The following ST18 variants were observed in gnomAD, a reference collection of about 807,000 sequenced individuals.
ST18 encodes the protein suppression of tumorigenicity 18 protein.
A neutral mutation model predicts 110.0 loss-of-function variants in ST18; 50 were observed. That is an observed-to-expected ratio of 0.45 (90% CI 0.36 to 0.58). The LOEUF (loss-of-function observed/expected upper bound fraction) is 0.58. Ranked by LOEUF, ST18 falls within the 20% of genes least tolerant of loss-of-function variation. The pLI is 0.00. For missense variants in ST18, 1,306 were observed against 1,280.1 expected (o/e 1.02, Z -0.31); for synonymous variants, 461 against 452.4 (o/e 1.02, Z -0.24).
At chr8:52,386,471 TAA>T (rs541880234) in intron 2 of ST18, among the ~76,000 whole-genome samples, 1 of 143,534 alleles carries the variant, frequency 7.0e-6, no homozygotes. Context: ...TTTTTTTTCT[TAA>T]AAAAAAAAAA....
intron 2 of ST18, among the ~76,000 whole-genome samples, chr8:52,263,416 C>T (rs1310255214): frequency 6.6e-6 from 1 of 152,158 alleles, no homozygotes; most frequent in Middle Eastern, 3.2e-3. Flanking sequence ...CTGAATTTCA[C>T]AGAACATCTC....
chr8:52,186,824 C>A (rs773803902), intron 8 of ST18, among the ~76,000 whole-genome samples: 8 of 152,132 alleles, frequency 5.3e-5, no homozygotes, highest in Non-Finnish European at 1.2e-4. Flanking sequence ...ATGTCCAAAA[C>A]CAGCACAATT....
rs927067041 is a variant in ST18, at chr8:52,180,218, G to A, written c.181C>T (p.Pro61Ser). The A allele has an allele frequency of 6.2e-7, 1 of 1,614,154 alleles. No homozygotes were observed. Among genetic ancestry groups the A allele is most frequent in the Non-Finnish European group, 8.5e-7 (1 of 1,180,024 alleles). Residue 61 changes from proline (P) to serine (S), a missense_variant, in exon 9 of 26, where the codon CCC (proline) becomes TCC (serine). Physicochemically the swap from Pro to Ser is moderately conservative, Grantham distance 74. Transcript: ENST00000689386. Reference sequence around the variant, plus strand: ...TCTGCTTTTGGGCTGTAGTGTCGGGGCTTCATTAGCAGGGATTTCCTTTTG... The same window carrying A: ...TCTGCTTTTGGGCTGTAGTGTCGGGACTTCATTAGCAGGGATTTCCTTTTG... ...VNKRKSLLMK[P>S]RHYSPKADCQ...
intron 19 of ST18, among the ~76,000 whole-genome samples, chr8:52,133,709 A>G (rs1428539782): frequency 1.4e-5 from 2 of 145,302 alleles, no homozygotes; most frequent in East Asian, 2.0e-4. Flanking sequence ...AAAGTTTTCC[A>G]AATTATTATT....
chr8:52,111,215 A>G lies in ST18; in HGVS notation c.*1983T>C, dbSNP rs1369857320. ...TGGTAAGAGATTTCTTTTAAATTAA[A>G]TAAAATATATAACAAACTTGTTAAA... On this transcript the variant is annotated 3_prime_UTR_variant, in exon 26 of 26. Coordinates refer to ENST00000689386, the MANE Select transcript of ST18 (RefSeq NM_001352837.2). 3 of 366,108 alleles carry G rather than the reference A, an allele frequency of 8.2e-6. No homozygotes were observed. In the South Asian group the frequency reaches 4.5e-4, roughly 55 times the overall value. The allele number at this position is 366,108 out of a possible 1,614,324, so 22.7% of individuals were successfully genotyped here.
intron 8 of ST18, among the ~76,000 whole-genome samples, chr8:52,190,926 C>A (rs573041680): frequency 6.6e-6 from 1 of 152,316 alleles, no homozygotes; most frequent in African/African-American, 2.4e-5. Context: ...TGGTCTGGGG[C>A]ATTCTGGCAT....
intron 2 of ST18, among the ~76,000 whole-genome samples, chr8:52,315,505 G>A (rs2096008246): frequency 6.6e-6 from 1 of 152,050 alleles, no homozygotes; most frequent in African/African-American, 2.4e-5. Flanking sequence ...TAACCTGTTG[G>A]CTTGTTGTTT....
chr8:52,350,382 T>C (rs1035874069), intron 2 of ST18, among the ~76,000 whole-genome samples: 1 of 152,042 alleles, frequency 6.6e-6, no homozygotes, highest in Non-Finnish European at 1.5e-5. Flanking sequence ...TCTGGTGATC[T>C]CCTGTGTACA....
intron 2 of ST18, among the ~76,000 whole-genome samples, chr8:52,274,438 G>A (rs913361340): frequency 6.8e-6 from 1 of 146,624 alleles, no homozygotes; most frequent in Non-Finnish European, 1.5e-5. Context: ...ACTTAGCTTT[G>A]AGCAATCAGT....
rs567734053 is a variant in ST18, at chr8:52,242,808, G to A, written c.-464-12731C>T. Among the ~76,000 whole-genome samples, 19 of 151,574 alleles carry A rather than the reference G, an allele frequency of 1.3e-4. 1 individual carries two copies. In the South Asian group the frequency reaches 3.6e-3, roughly 28 times the overall value. ...ATTCACTTGAACCCTGGAGGCAGAC[G>A]TTGCAGTGAGCCAAGATCATGCCAT... On this transcript the variant is annotated intron_variant, in intron 2 of 25. Transcript: ENST00000689386.
chr8:52,145,993 A>C (rs1409780792), intron 16 of ST18, among the ~76,000 whole-genome samples: 2 of 152,196 alleles, frequency 1.3e-5, no homozygotes, highest in Non-Finnish European at 2.9e-5. Context: ...TTTTCTGAAA[A>C]TTACCACCAA....
intron 23 of ST18, among the ~76,000 whole-genome samples, chr8:52,119,374 A>T (rs1437591822): frequency 6.6e-6 from 1 of 152,152 alleles, no homozygotes; most frequent in Non-Finnish European, 1.5e-5. Flanking sequence ...ACCTCCTAGA[A>T]GAATGAATCT....
intron 12 of ST18, among the ~76,000 whole-genome samples, chr8:52,164,562 A>G (rs1587463613): frequency 6.6e-6 from 1 of 152,244 alleles, no homozygotes; most frequent in East Asian, 1.9e-4. Context: ...TCATCGCCAC[A>G]TAATCGACTT....
At chr8:52,227,793 A>G (rs2089989320) in intron 3 of ST18, among the ~76,000 whole-genome samples, 1 of 152,076 alleles carries the variant, frequency 6.6e-6, no homozygotes, top group African/African-American at 2.4e-5. Flanking sequence ...TAGCGTTTTG[A>G]TGGCACTCTC....
intron 2 of ST18, among the ~76,000 whole-genome samples, chr8:52,344,730 C>T (rs962853250): frequency 2.0e-5 from 3 of 152,140 alleles, no homozygotes; most frequent in African/African-American, 7.2e-5. Flanking sequence ...GAGGGAGGAT[C>T]TTAATCAGTA....
intron 2 of ST18, chr8:52,249,407 A>C (rs969545294): frequency 6.6e-6 from 1 of 152,448 alleles, no homozygotes; most frequent in African/African-American, 2.4e-5. Flanking sequence ...TCAGGGAAGC[A>C]GTGATGTAGA....
At chr8:52,283,587 G>C (rs924895389) in intron 2 of ST18, among the ~76,000 whole-genome samples, 2 of 152,170 alleles carry the variant, frequency 1.3e-5, no homozygotes, top group Non-Finnish European at 2.9e-5. Context: ...GGAAAGGAGA[G>C]TCACCATGTC....
chr8:52,152,615 T>C (rs900238430), intron 15 of ST18, among the ~76,000 whole-genome samples: 2 of 152,252 alleles, frequency 1.3e-5, no homozygotes, highest in African/African-American at 2.4e-5. Flanking sequence ...AAGTACTTCA[T>C]ATTTTTAAGA....
chr8:52,349,963 G>A (rs900283112), intron 2 of ST18, among the ~76,000 whole-genome samples: 2 of 152,152 alleles, frequency 1.3e-5, no homozygotes, highest in African/African-American at 4.8e-5. Context: ...CAGCAACTGT[G>A]CAGGGAGAAA....
Sources: gnomAD v4.1 joint callset for allele counts (sites outside exome capture counted in the v4.1 genomes callset) on GRCh38, gnomAD v4.1.1 for gene constraint, MANE v1.5 for transcripts, NCBI Gene and HGNC (gene_info 2026-07-23, HGNC 2026-07-21) for gene names.